Variants in CPNE5 observed in about 807,000 individuals in gnomAD.
The protein encoded by CPNE5 is copine 5.
In CPNE5, 42 loss-of-function variants were observed where a neutral mutation model predicts 81.1. That is an observed-to-expected ratio of 0.52 (90% CI 0.40 to 0.67). The LOEUF (loss-of-function observed/expected upper bound fraction) is 0.67, where lower values mean the gene tolerates loss of function less well. CPNE5 is among the 30% of genes least tolerant of loss of function. The pLI is 0.00. For synonymous variants in CPNE5, 313 were observed against 321.5 expected (o/e 0.97, Z 0.28); for missense variants, 612 against 815.5 (o/e 0.75, Z 3.04).
intron 14 of CPNE5, among the ~76,000 whole-genome samples, chr6:36,750,620 G>A (rs1219729417): frequency 6.6e-6 from 1 of 152,232 alleles, no homozygotes; most frequent in Non-Finnish European, 1.5e-5. Context: ...GGAATTATGT[G>A]TTACAGCAGT....
At chr6:36,814,660 G>T (rs1441027355) in intron 3 of CPNE5, among the ~76,000 whole-genome samples, 1 of 152,196 alleles carries the variant, frequency 6.6e-6, no homozygotes, top group Non-Finnish European at 1.5e-5. Flanking sequence ...CCCCTGTGTG[G>T]AGGAAGCCAG....
chr6:36,793,208 G>T (rs1039183791), intron 7 of CPNE5, among the ~76,000 whole-genome samples: 1 of 152,158 alleles, frequency 6.6e-6, no homozygotes, highest in East Asian at 1.9e-4. Flanking sequence ...GCTATTGGAG[G>T]GAGAGGCTCT....
chr6:36,784,007 G>T (rs951531401), intron 8 of CPNE5, among the ~76,000 whole-genome samples: 1 of 152,298 alleles, frequency 6.6e-6, no homozygotes, highest in Non-Finnish European at 1.5e-5. Flanking sequence ...AGTTTGAGAA[G>T]TCAGAGAAGT....
At chr6:36,807,489 C>T (rs1322752504) in intron 3 of CPNE5, among the ~76,000 whole-genome samples, 1 of 152,210 alleles carries the variant, frequency 6.6e-6, no homozygotes, top group Non-Finnish European at 1.5e-5. Flanking sequence ...CACTCTGGTT[C>T]TTTCTACATC....
intron 9 of CPNE5, among the ~76,000 whole-genome samples, chr6:36,776,281 C>T (rs926883020): frequency 8.5e-5 from 13 of 152,366 alleles, no homozygotes; most frequent in African/African-American, 2.9e-4. Flanking sequence ...CCCATACCCA[C>T]ACAGCCGGTG....
intron 7 of CPNE5, among the ~76,000 whole-genome samples, 189 bp downstream of exon 7, chr6:36,794,401 C>T (rs1049297727): frequency 1.3e-5 from 2 of 152,126 alleles, no homozygotes; most frequent in African/African-American, 2.4e-5. Context: ...GGCCCACTGC[C>T]GAGTGGGGGC....
At chr6:36,758,415 A>ATTTTT (rs72371807) in intron 12 of CPNE5, among the ~76,000 whole-genome samples, 10 of 140,262 alleles carry the variant, frequency 7.1e-5, no homozygotes, top group African/African-American at 2.4e-4. Context: ...ATGTCTGGCT[A>ATTTTT]TTTTTTTTTT....
At chr6:36,826,184 G>A (rs947083575) in intron 1 of CPNE5, among the ~76,000 whole-genome samples, 1 of 152,070 alleles carries the variant, frequency 6.6e-6, no homozygotes, top group East Asian at 1.9e-4. Flanking sequence ...GGCGGTGGGA[G>A]GGGGAGGTCT....
At chr6:36,800,577 T>C (rs932002675) in intron 3 of CPNE5, among the ~76,000 whole-genome samples, 5 of 152,246 alleles carry the variant, frequency 3.3e-5, no homozygotes, top group African/African-American at 1.2e-4. Context: ...AGGCAGGGAC[T>C]GTAGGAGACC....
intron 8 of CPNE5, among the ~76,000 whole-genome samples, chr6:36,780,510 C>T (rs1767949912): frequency 6.6e-6 from 1 of 152,214 alleles, no homozygotes; most frequent in Admixed American, 6.5e-5. Flanking sequence ...TGCTCAGTTT[C>T]CCTACTTATA....
chr6:36,745,202 T>C (rs1203102329), intron 17 of CPNE5, 52 bp from the exon 18 acceptor site: 3 of 1,511,706 alleles, frequency 2.0e-6, no homozygotes, highest in East Asian at 4.5e-5. Flanking sequence ...TCTGGGCATG[T>C]TCCCCCCTAA....
At chr6:36,825,093 A>T (rs1177146059) in intron 1 of CPNE5, among the ~76,000 whole-genome samples, 1 of 152,152 alleles carries the variant, frequency 6.6e-6, no homozygotes, top group African/African-American at 2.4e-5. Flanking sequence ...AGAGACAGAA[A>T]AGTCTAGAAG....
intron 1 of CPNE5, among the ~76,000 whole-genome samples, chr6:36,830,138 C>T (rs184823964): frequency 2.6e-5 from 4 of 152,296 alleles, no homozygotes; most frequent in African/African-American, 7.2e-5. Flanking sequence ...CTGATGTCAC[C>T]GGCTTGTCAA....
chr6:36,808,164 C>T (rs1334445699), intron 3 of CPNE5, among the ~76,000 whole-genome samples: 2 of 151,806 alleles, frequency 1.3e-5, no homozygotes, highest in African/African-American at 4.8e-5. Flanking sequence ...GATCTTGGCT[C>T]ACTGCAACCT....
chr6:36,745,218 G>A, intron 17 of CPNE5, 68 bp from the exon 18 acceptor site: 1 of 1,466,496 alleles, frequency 6.8e-7, no homozygotes, highest in Non-Finnish European at 9.5e-7. Context: ...CCTAAACAAG[G>A]ACCCTGAACA....
At chr6:36,772,969 A>T (rs777033535) in intron 10 of CPNE5, among the ~76,000 whole-genome samples, 11 of 152,124 alleles carry the variant, frequency 7.2e-5, no homozygotes, top group Non-Finnish European at 1.3e-4. Flanking sequence ...CCACCTGAGT[A>T]GCTGGGTCCA....
intron 9 of CPNE5, among the ~76,000 whole-genome samples, chr6:36,775,731 A>T (rs1767442982): frequency 6.6e-6 from 1 of 151,684 alleles, no homozygotes; most frequent in Non-Finnish European, 1.5e-5. Context: ...ATTTGTCACC[A>T]TTTGACATTT....
At chr6:36,751,489 G>GA (rs1380968151) in intron 14 of CPNE5, among the ~76,000 whole-genome samples, 1 of 152,092 alleles carries the variant, frequency 6.6e-6, no homozygotes, top group African/African-American at 2.4e-5. Flanking sequence ...CTATGCAAAT[G>GA]AAAAAAATAA....
Position 36,746,659 on chromosome 6 carries a change from A to T in CPNE5, c.1019-82T>A. The T allele has an allele frequency of 1.6e-6, 2 of 1,254,258 alleles. No homozygotes were observed. Among genetic ancestry groups the T allele is most frequent in the Non-Finnish European group, 2.2e-6 (2 of 894,096 alleles). 77.7% of individuals were successfully genotyped at this position (1,254,258 alleles called of 1,614,324 possible). A position where few individuals can be genotyped will look rare whatever the true frequency, so the allele number is the denominator to read the frequency against. On this transcript the variant is annotated intron_variant, in intron 15 of 20. Transcript: ENST00000244751. The surrounding 1 kb of genome is among the most constrained non-coding windows in gnomAD (Gnocchi z 4.5). ...TTCAGAATGAAGAAGGGGGTGTCCAAGGGCACCCCTAACTTTTATTAATTC... is the reference window on the plus strand; with the variant it reads ...TTCAGAATGAAGAAGGGGGTGTCCATGGGCACCCCTAACTTTTATTAATTC...
Sources: allele counts gnomAD v4.1 joint callset (sites outside exome capture counted in the v4.1 genomes callset), GRCh38; gene constraint gnomAD v4.1.1; non-coding constraint Gnocchi (gnomAD v3.1); transcripts MANE v1.5; gene names NCBI Gene and HGNC (gene_info 2026-07-23, HGNC 2026-07-21).